The following MAPRE2 variants were observed in gnomAD, a reference collection of about 807,000 sequenced individuals.
The protein encoded by MAPRE2 is microtubule-associated protein RP/EB family member 2.
A neutral mutation model predicts 43.2 loss-of-function variants in MAPRE2; 13 were observed. That is an observed-to-expected ratio of 0.30 (90% CI 0.20 to 0.48). The LOEUF (loss-of-function observed/expected upper bound fraction) is 0.48, where lower values mean the gene tolerates loss of function less well. Ranked by LOEUF, MAPRE2 falls within the 20% of genes least tolerant of loss-of-function variation. The pLI is 0.99. For synonymous variants in MAPRE2, 135 were observed against 148.8 expected, an observed-to-expected ratio of 0.91 and a Z score of 0.68; for missense variants, 161 against 400.2, an observed-to-expected ratio of 0.40 and a Z score of 5.10.
intron 1 of MAPRE2, among the ~76,000 whole-genome samples, chr18:34,991,749 G>A (rs1183386176): frequency 6.6e-6 from 1 of 152,154 alleles, no homozygotes; most frequent in Non-Finnish European, 1.5e-5. Context: ...CTTGGGTGGG[G>A]TTTGTTAGGA....
chr18:35,092,027 GA>G (rs1908173639), intron 2 of MAPRE2, among the ~76,000 whole-genome samples: 2 of 152,342 alleles, frequency 1.3e-5, no homozygotes, highest in Admixed American at 1.3e-4. Context: ...AGGAGCAAGA[GA>G]GAGATGTGGG....
At chr18:35,078,563 C>T (rs778384371) in intron 2 of MAPRE2, among the ~76,000 whole-genome samples, 7 of 152,048 alleles carry the variant, frequency 4.6e-5, no homozygotes, top group Non-Finnish European at 8.8e-5. Context: ...AAGCCATGTT[C>T]ACAGCTGATA....
At chr18:35,121,348 T>C (rs911554671) in intron 4 of MAPRE2, among the ~76,000 whole-genome samples, 1 of 152,208 alleles carries the variant, frequency 6.6e-6, no homozygotes, top group Admixed American at 6.5e-5. Flanking sequence ...ATCATATTTA[T>C]ACCCCCAAAT....
chr18:35,118,644 A>G (rs937241192), intron 4 of MAPRE2, among the ~76,000 whole-genome samples: 2 of 152,156 alleles, frequency 1.3e-5, no homozygotes, highest in Non-Finnish European at 2.9e-5. Flanking sequence ...TGTTCTCAAC[A>G]CAGCAGGCAG....
chr18:35,072,721 G>A (rs371937093), intron 2 of MAPRE2, among the ~76,000 whole-genome samples: 1 of 152,116 alleles, frequency 6.6e-6, no homozygotes, highest in Non-Finnish European at 1.5e-5. Flanking sequence ...TAAAGCATTG[G>A]TGTACATTTA....
At chr18:35,122,894 T>C (rs374535739) in intron 4 of MAPRE2, among the ~76,000 whole-genome samples, 1 of 152,194 alleles carries the variant, frequency 6.6e-6, no homozygotes, top group East Asian at 1.9e-4. Context: ...CACAGGCAGG[T>C]TGAAGTTGGG....
At chr18:35,110,541 T>A (rs2144200172) in intron 4 of MAPRE2, among the ~76,000 whole-genome samples, 1 of 152,264 alleles carries the variant, frequency 6.6e-6, no homozygotes, top group Non-Finnish European at 1.5e-5. Flanking sequence ...ATTTTCAACG[T>A]TCTTCATTTC....
chr18:35,016,323 T>C (rs2097038251), intron 2 of MAPRE2, among the ~76,000 whole-genome samples: 1 of 151,748 alleles, frequency 6.6e-6, no homozygotes, highest in African/African-American at 2.4e-5. Context: ...TATATATATC[T>C]CCAGTAATGG....
upstream of MAPRE2, among the ~76,000 whole-genome samples, chr18:35,037,053 C>T (rs1224936134): frequency 6.6e-6 from 1 of 152,182 alleles, no homozygotes; most frequent in East Asian, 1.9e-4. Flanking sequence ...GGTCCCATCC[C>T]ACCCTATGTT....
chr18:35,080,786 G>T (rs905936148), intron 2 of MAPRE2, among the ~76,000 whole-genome samples: 2 of 151,132 alleles, frequency 1.3e-5, no homozygotes, highest in African/African-American at 4.9e-5. Context: ...TTGGCAACTC[G>T]TAAAGACACC....
intron 1 of MAPRE2, among the ~76,000 whole-genome samples, chr18:35,001,140 T>C (rs1356363486): frequency 6.6e-6 from 1 of 152,200 alleles, no homozygotes; most frequent in African/African-American, 2.4e-5. Context: ...TCTATGCAAA[T>C]AAATGTGGAC....
chr18:35,140,170 G>A, intron 6 of MAPRE2, 125 bp from the exon 7 acceptor site: 2 of 772,352 alleles, frequency 2.6e-6, no homozygotes, highest in Non-Finnish European at 4.3e-6. Context: ...GGCGAGTTGT[G>A]CCTAACTAAG....
chr18:35,114,576 C>G (rs150113216), intron 4 of MAPRE2, among the ~76,000 whole-genome samples: 42 of 152,232 alleles, frequency 2.8e-4, no homozygotes, highest in African/African-American at 8.9e-4. Context: ...TCTCTGATTT[C>G]TTAATCCTTC....
chr18:35,089,856 C>T lies in MAPRE2; in HGVS notation c.251-7590C>T, dbSNP rs1041461022. On this transcript the variant is annotated intron_variant, in intron 2 of 6. Transcript: ENST00000300249. ...TACACAACTGTTTGTAGCATCATTA[C>T]TCAAAATAGTCCAAACATAAAAGCA... Among the ~76,000 whole-genome samples, 5 of 152,224 alleles carry T rather than the reference C, an allele frequency of 3.3e-5. No homozygotes were observed. The South Asian group carries it at 6.2e-4, about 19-fold the overall frequency.
chr18:35,044,882 A>T (rs959782268), intron 1 of MAPRE2, among the ~76,000 whole-genome samples: 1 of 152,218 alleles, frequency 6.6e-6, no homozygotes, highest in Non-Finnish European at 1.5e-5. Context: ...TTCCTGACCC[A>T]CATCTCTTAA....
At chr18:35,063,398 C>T (rs560641899) in intron 1 of MAPRE2, among the ~76,000 whole-genome samples, 1 of 151,878 alleles carries the variant, frequency 6.6e-6, no homozygotes, top group East Asian at 1.9e-4. Context: ...TGAGCCACTG[C>T]GCCCGGCCTC....
At chr18:35,074,554 C>G (rs1448055150) in intron 2 of MAPRE2, among the ~76,000 whole-genome samples, 1 of 152,136 alleles carries the variant, frequency 6.6e-6, no homozygotes, top group Non-Finnish European at 1.5e-5. Flanking sequence ...CTCCCTCACT[C>G]CTCACCTCAA....
chr18:35,075,752 G>T (rs1454154083), intron 2 of MAPRE2, among the ~76,000 whole-genome samples: 1 of 150,756 alleles, frequency 6.6e-6, no homozygotes, highest in Admixed American at 6.6e-5. Context: ...AGAAGAAGGG[G>T]ACAAAAAAAA....
chr18:35,057,507 C>CGTGT (rs58171272), intron 1 of MAPRE2, among the ~76,000 whole-genome samples: 45,261 of 149,384 alleles, frequency 0.3, 7,699 homozygotes, highest in Non-Finnish European at 0.41. Flanking sequence ...GGAGTGTGTG[C>CGTGT]GTGTGTGTGT....
Sources: allele counts gnomAD v4.1 joint callset (sites outside exome capture counted in the v4.1 genomes callset), GRCh38; gene constraint gnomAD v4.1.1; transcripts MANE v1.5; gene names NCBI Gene and HGNC (gene_info 2026-07-23, HGNC 2026-07-21).